Variants in BTBD9 observed in about 807,000 individuals in gnomAD.
BTBD9 encodes the protein BTB domain containing 9, also known as BTB/POZ domain-containing protein 9.
Under a neutral mutation model 64.3 loss-of-function variants are expected in BTBD9, and 49 were observed. That is an observed-to-expected ratio of 0.76 (90% CI 0.61 to 0.97). The LOEUF is 0.97. Among genes scored for constraint, BTBD9 ranks in the 50% least tolerant of loss-of-function variants. The pLI is 0.00. For missense variants in BTBD9, 598 were observed against 762.1 expected (o/e 0.78, Z 2.53); for synonymous variants, 260 against 274.7 (o/e 0.95, Z 0.53).
intron 6 of BTBD9, among the ~76,000 whole-genome samples, chr6:38,349,415 C>A (rs1445161506): frequency 2.0e-5 from 3 of 152,086 alleles, no homozygotes; most frequent in African/African-American, 7.2e-5. Context: ...GTTAGTCCCC[C>A]CTTATCTGTG....
At position 38,311,693 on chromosome 6, in the gene BTBD9, C is replaced by T. The variant is rs760414939; in HGVS notation, c.1265-23232G>A. ...TAGTGGTTGTACTAATTTATATTCCCGCCAACAGTGTACAAGGGTTCCCTT... is the reference window on the plus strand; with the variant it reads ...TAGTGGTTGTACTAATTTATATTCCTGCCAACAGTGTACAAGGGTTCCCTT... On this transcript the variant is annotated intron_variant, in intron 7 of 10. Coordinates refer to ENST00000481247, the MANE Select transcript of BTBD9 (RefSeq NM_001099272.2). 6.6e-5 allele frequency among the ~76,000 whole-genome samples: 10 copies of T among 152,214 alleles called. No individual in the cohort carries two copies. In the East Asian group the frequency reaches 7.7e-4, roughly 12 times the overall value.
intron 10 of BTBD9, among the ~76,000 whole-genome samples, chr6:38,183,426 G>A (rs1314773420): frequency 1.3e-5 from 2 of 152,108 alleles, no homozygotes; most frequent in Admixed American, 1.3e-4. Context: ...ATGACACTGG[G>A]GCCACACAGC....
intron 9 of BTBD9, among the ~76,000 whole-genome samples, chr6:38,198,039 CTT>C (rs980628468): frequency 2.6e-5 from 4 of 152,306 alleles, no homozygotes; most frequent in Middle Eastern, 6.8e-3. Flanking sequence ...ATAAAAAAGA[CTT>C]GAAGTATATG....
rs764321386 is a variant in BTBD9 at position 38,172,772 on chromosome 6, G to GTA, written c.*2212_*2213insTA. 6.6e-6 allele frequency: 1 copy of GTA among 152,430 alleles called. No individual in the cohort carries two copies. Among genetic ancestry groups the GTA allele is most frequent in the Non-Finnish European group, 1.5e-5 (1 of 68,184 alleles). The allele number at this position is 152,430 out of a possible 1,614,324, so 9.4% of individuals were successfully genotyped here. On this transcript the variant is annotated 3_prime_UTR_variant, in exon 11 of 11. Coordinates refer to ENST00000481247, the MANE Select transcript of BTBD9 (RefSeq NM_001099272.2). ...AGATCTGGAAGGGCATGCCCCGAAG[G>GTA]AAAGAACCGCCACAGGCCAGGGAGC...
intron 9 of BTBD9, among the ~76,000 whole-genome samples, chr6:38,212,987 T>C (rs773541583): frequency 2.6e-4 from 39 of 151,874 alleles, no homozygotes; most frequent in Non-Finnish European, 4.3e-4. Context: ...GGATTTAGAA[T>C]ACAAAGAGGA....
At chr6:38,587,514 T>C in intron 4 of BTBD9, 4 of 565,738 alleles carry the variant, frequency 7.1e-6, no homozygotes, top group Non-Finnish European at 1.4e-5. Context: ...AAGATGCAGA[T>C]GACGATCTTA....
At chr6:38,258,195 A>G (rs1012684699) in intron 8 of BTBD9, among the ~76,000 whole-genome samples, 1 of 152,196 alleles carries the variant, frequency 6.6e-6, no homozygotes, top group Non-Finnish European at 1.5e-5. Context: ...CAAGTTGGCC[A>G]GGCTGGTCTC....
In BTBD9 at chr6:38,254,218, A is replaced by AAC. The variant is rs1764498368; in HGVS notation, c.1562+2189_1562+2190dup. Among the ~76,000 whole-genome samples the AAC allele has an allele frequency of 3.3e-5, 5 of 151,780 alleles. No individual in the cohort carries two copies. In the South Asian group the frequency reaches 1.0e-3, roughly 32 times the overall value. The stretch of plus-strand genomic sequence containing the variant: ...CTTCTGGGAAAATCACTTAACTAGG[A>AAC]ACACACACACTGACTGTCCCATGAC... On this transcript the variant is annotated intron_variant, in intron 9 of 10. Coordinates refer to ENST00000481247, the MANE Select transcript of BTBD9 (RefSeq NM_001099272.2).
intron 9 of BTBD9, among the ~76,000 whole-genome samples, chr6:38,220,057 C>T (rs958710363): frequency 5.3e-5 from 8 of 152,268 alleles, no homozygotes; most frequent in East Asian, 1.9e-4. Context: ...TGAAAAAGTG[C>T]GTCTACCTCT....
At chr6:38,547,840 A>G (rs920716113) in intron 6 of BTBD9, among the ~76,000 whole-genome samples, 6 of 152,222 alleles carry the variant, frequency 3.9e-5, no homozygotes, top group African/African-American at 1.4e-4. Flanking sequence ...TTTATTATCC[A>G]TCTTCACTAC....
chr6:38,176,984 G>A (rs1387179199), intron 10 of BTBD9, among the ~76,000 whole-genome samples: 1 of 152,076 alleles, frequency 6.6e-6, no homozygotes, highest in African/African-American at 2.4e-5. Context: ...CAGCAAATAC[G>A]CCTTCTCTTT....
chr6:38,615,578 T>C (rs1582721149), intron 1 of BTBD9, among the ~76,000 whole-genome samples: 1 of 152,290 alleles, frequency 6.6e-6, no homozygotes, highest in Non-Finnish European at 1.5e-5. Context: ...GAATGTTTTG[T>C]TCCCAAAGCT....
intron 6 of BTBD9, among the ~76,000 whole-genome samples, chr6:38,552,623 C>T (rs1184301076): frequency 6.6e-6 from 1 of 151,802 alleles, no homozygotes; most frequent in Non-Finnish European, 1.5e-5. Context: ...AAAAATTAGC[C>T]GGGTGTGGTG....
At chr6:38,369,622 T>A (rs1288481872) in intron 6 of BTBD9, among the ~76,000 whole-genome samples, 1 of 152,222 alleles carries the variant, frequency 6.6e-6, no homozygotes, top group Non-Finnish European at 1.5e-5. Flanking sequence ...AGGAAAGATG[T>A]TTGTAATACT....
chr6:38,292,692 A>C (rs891802345), intron 7 of BTBD9, among the ~76,000 whole-genome samples: 1 of 151,802 alleles, frequency 6.6e-6, no homozygotes, highest in African/African-American at 2.4e-5. Flanking sequence ...TATTGTGTCT[A>C]TTTGATTCTT....
chr6:38,533,997 C>G (rs1773906292), intron 6 of BTBD9, among the ~76,000 whole-genome samples: 1 of 151,570 alleles, frequency 6.6e-6, no homozygotes, highest in Admixed American at 6.6e-5. Flanking sequence ...CAAATCAAAC[C>G]AAAAATGAGT....
chr6:38,309,033 A>G (rs1762731152), intron 7 of BTBD9, among the ~76,000 whole-genome samples: 1 of 152,004 alleles, frequency 6.6e-6, no homozygotes, highest in Admixed American at 6.6e-5. Flanking sequence ...TTTCTCATTC[A>G]CATTGAACAG....
chr6:38,325,499 C>G (rs1763388125), intron 7 of BTBD9, among the ~76,000 whole-genome samples: 1 of 152,152 alleles, frequency 6.6e-6, no homozygotes, highest in African/African-American at 2.4e-5. Context: ...TCCTGGCTAA[C>G]ATGGTGAAAC....
intron 9 of BTBD9, among the ~76,000 whole-genome samples, chr6:38,193,632 T>G (rs1014012219): frequency 6.6e-5 from 10 of 152,000 alleles, no homozygotes; most frequent in African/African-American, 2.4e-4. Context: ...ACTGGAGGAG[T>G]GCATGGCACC....
Sources: allele counts gnomAD v4.1 joint callset (sites outside exome capture counted in the v4.1 genomes callset), GRCh38; gene constraint gnomAD v4.1.1; transcripts MANE v1.5; gene names NCBI Gene and HGNC (gene_info 2026-07-23, HGNC 2026-07-21).